The following ALK variants were observed in gnomAD, a reference collection of about 807,000 sequenced individuals.
ALK encodes ALK tyrosine kinase receptor.
ALK carries 74 observed loss-of-function variants against 163.1 expected under a neutral mutation model. That is an observed-to-expected ratio of 0.45 (90% CI 0.38 to 0.55). ALK has a LOEUF of 0.55. Ranked by LOEUF, ALK falls within the 20% of genes least tolerant of loss-of-function variation. The probability of loss-of-function intolerance (pLI) is 0.00; values close to 1 mark genes in which losing one functional copy is unlikely to be tolerated. For missense variants in ALK, 2,063 were observed against 2,105.3 expected (o/e 0.98, Z 0.39); for synonymous variants, 960 against 843.2 (o/e 1.14, Z -2.40).
intron 10 of ALK, 84 bp downstream of exon 10, chr2:29,275,318 G>T (rs1393690861): frequency 3.1e-6 from 5 of 1,605,982 alleles, no homozygotes; most frequent in Non-Finnish European, 4.2e-6. Context: ...GGGAGAGACA[G>T]TCAGGCTTAG....
chr2:29,576,354 C>A (rs1241913849), intron 3 of ALK, among the ~76,000 whole-genome samples: 3 of 152,220 alleles, frequency 2.0e-5, no homozygotes, highest in East Asian at 1.9e-4. Context: ...ATGCTGCCGG[C>A]CCGTCTGGGT....
intron 5 of ALK, among the ~76,000 whole-genome samples, chr2:29,364,965 T>C (rs141166902): frequency 2.0e-5 from 3 of 152,310 alleles, no homozygotes; most frequent in African/African-American, 4.8e-5. Flanking sequence ...GTGTGTTACA[T>C]AGGTTGTCTC....
intron 23 of ALK, 127 bp from the exon 24 acceptor site, chr2:29,214,208 G>T: frequency 1.3e-6 from 1 of 776,464 alleles, no homozygotes. Flanking sequence ...AGGGGCCTCG[G>T]CCCTGGCTGC....
chr2:29,376,049 T>C (rs1441349007), intron 5 of ALK, among the ~76,000 whole-genome samples: 1 of 151,432 alleles, frequency 6.6e-6, no homozygotes, highest in Non-Finnish European at 1.5e-5. Context: ...CCCGAGATAG[T>C]CTCCCTCTGG....
chr2:29,798,566 G>C (rs529420037), intron 1 of ALK, among the ~76,000 whole-genome samples: 1 of 152,352 alleles, frequency 6.6e-6, no homozygotes, highest in African/African-American at 2.4e-5. Context: ...GGTCTTTTCA[G>C]CAAATGTACC....
chr2:29,693,628 T>C (rs954011359), intron 3 of ALK, among the ~76,000 whole-genome samples: 2 of 152,186 alleles, frequency 1.3e-5, no homozygotes, highest in African/African-American at 4.8e-5. Flanking sequence ...CTGAGAGCAT[T>C]AATTGTTTTT....
chr2:29,755,688 T>G (rs973774597), intron 1 of ALK, among the ~76,000 whole-genome samples: 25 of 152,138 alleles, frequency 1.6e-4, no homozygotes, highest in African/African-American at 5.8e-4. Flanking sequence ...AGGCACATAT[T>G]AGTACCCACC....
At chr2:29,688,217 C>G (rs2148284241) in intron 3 of ALK, among the ~76,000 whole-genome samples, 1 of 152,286 alleles carries the variant, frequency 6.6e-6, no homozygotes, top group East Asian at 1.9e-4. Flanking sequence ...CAGCACAGCC[C>G]ATGCAATGGG....
chr2:29,375,421 C>A (rs938587823), intron 5 of ALK, among the ~76,000 whole-genome samples: 1 of 152,154 alleles, frequency 6.6e-6, no homozygotes, highest in African/African-American at 2.4e-5. Context: ...CAGGTTCATG[C>A]CATTCTCCTG....
chr2:29,328,287 G>A, intron 6 of ALK, 63 bp downstream of exon 6: 2 of 1,612,282 alleles, frequency 1.2e-6, no homozygotes, highest in Non-Finnish European at 1.7e-6. Flanking sequence ...TGGGATAATG[G>A]GGACAACGGG....
rs561476901 is a variant in ALK, at chr2:29,608,277, T to C, written c.953-76161A>G. 4.6e-5 allele frequency among the ~76,000 whole-genome samples: 7 copies of C among 152,342 alleles called. No homozygotes were observed. The South Asian group carries it at 1.2e-3, about 27-fold the overall frequency. ...GCTTATATTTGTTAGCTGTCTGTCTTCCCTCACTAGAACATATGCTTCATG... is the reference window on the plus strand; with the variant it reads ...GCTTATATTTGTTAGCTGTCTGTCTCCCCTCACTAGAACATATGCTTCATG... On this transcript the variant is annotated intron_variant, in intron 3 of 28. Coordinates refer to ENST00000389048, the MANE Select transcript of ALK (RefSeq NM_004304.5).
Position 29,295,731 on chromosome 2 carries a change from C to T in ALK, c.1817+1157G>A, listed in dbSNP as rs77967751. ...GCTGCATGCCAACTAGCATCACCCT[C>T]CACCTTGCCTTGAGCCCTCTGTCCT... On this transcript the variant is annotated intron_variant, in intron 9 of 28. Transcript: ENST00000389048. 6.4e-3 allele frequency among the ~76,000 whole-genome samples: 968 copies of T among 152,318 alleles called. 13 individuals are homozygous for T. The highest frequency in any genetic ancestry group is 0.022 in the African/African-American group (914 of 41,558).
At chr2:29,874,335 T>C (rs1348296135) in intron 1 of ALK, among the ~76,000 whole-genome samples, 1 of 140,786 alleles carries the variant, frequency 7.1e-6, no homozygotes, top group African/African-American at 2.6e-5. Context: ...AAGGCTGACA[T>C]AGTTGAAATA....
chr2:29,587,235 T>A (rs1674914239), intron 3 of ALK, among the ~76,000 whole-genome samples: 1 of 152,220 alleles, frequency 6.6e-6, no homozygotes, highest in African/African-American at 2.4e-5. Flanking sequence ...GATCTGAGAT[T>A]CCTGGCTATT....
chr2:29,442,403 T>C (rs1486032039), intron 4 of ALK, among the ~76,000 whole-genome samples: 1 of 152,104 alleles, frequency 6.6e-6, no homozygotes, highest in Non-Finnish European at 1.5e-5. Flanking sequence ...CTTCACAATA[T>C]CCATAACCAC....
chr2:29,624,465 G>A (rs928816506), intron 3 of ALK, among the ~76,000 whole-genome samples: 1 of 152,186 alleles, frequency 6.6e-6, no homozygotes, highest in Non-Finnish European at 1.5e-5. Flanking sequence ...ACACCTCCGT[G>A]TTCAGGTTTG....
chr2:29,209,979 T>A, intron 24 of ALK, 101 bp from the exon 25 acceptor site: 1 of 898,652 alleles, frequency 1.1e-6, no homozygotes, highest in Non-Finnish European at 1.8e-6. Context: ...TTTAAATAGT[T>A]CCTTCCCTTC....
At chr2:29,225,439 C>G (rs754875517) in intron 19 of ALK, 22 bp downstream of exon 19, 1 of 1,598,608 alleles carries the variant, frequency 6.3e-7, no homozygotes. Flanking sequence ...CCTTGGGAGT[C>G]CCTGGGGCTC....
At chr2:29,204,331 G>A (rs763991579) in intron 26 of ALK, among the ~76,000 whole-genome samples, 20 of 152,190 alleles carry the variant, frequency 1.3e-4, no homozygotes, top group Non-Finnish European at 2.6e-4. Context: ...CTAGGATATC[G>A]CATTACATTT....
Sources: allele counts gnomAD v4.1 joint callset (sites outside exome capture counted in the v4.1 genomes callset), GRCh38; gene constraint gnomAD v4.1.1; transcripts MANE v1.5; gene names NCBI Gene and HGNC (gene_info 2026-07-23, HGNC 2026-07-21).